The following RIMS2 variants were observed in gnomAD, a reference collection of about 807,000 sequenced individuals.
The protein encoded by RIMS2 is regulating synaptic membrane exocytosis protein 2.
RIMS2 carries 59 observed loss-of-function variants against 174.4 expected under a neutral mutation model. The observed-to-expected ratio is 0.34, with a 90% CI of 0.27 to 0.42. RIMS2 has a LOEUF of 0.42. Among genes scored for constraint, RIMS2 ranks in the 10% least tolerant of loss-of-function variants. The pLI is 1.00. For missense variants in RIMS2, 1,620 were observed against 1,666.3 expected (o/e 0.97, Z 0.48); for synonymous variants, 606 against 572.5 (o/e 1.06, Z -0.84).
At chr8:103,772,919 A>G (rs546814258) in intron 3 of RIMS2, among the ~76,000 whole-genome samples, 21 of 150,252 alleles carry the variant, frequency 1.4e-4, no homozygotes, top group African/African-American at 4.7e-4. Context: ...TTTGAAGCAT[A>G]CTTTTTTTAC....
At chr8:103,729,425 C>A (rs2097565718) in intron 2 of RIMS2, among the ~76,000 whole-genome samples, 1 of 151,990 alleles carries the variant, frequency 6.6e-6, no homozygotes, top group Non-Finnish European at 1.5e-5. Context: ...TTAACATCTC[C>A]TTTTTCATGT....
rs74927679 is a variant in RIMS2, at chr8:104,129,331, G to A, written c.3334+114716G>A. Among the ~76,000 whole-genome samples the A allele has an allele frequency of 2.3e-4, 35 of 152,230 alleles. 2 individuals are homozygous for A. The East Asian group carries it at 6.8e-3, about 29-fold the overall frequency. On this transcript the variant is annotated intron_variant, in intron 19 of 23. Coordinates refer to ENST00000504942, the Ensembl canonical transcript of RIMS2. ...GCAAAGGAGTTTGAGGTTACAATCA[G>A]CCCTAGTAATACAACTACACTCCGG...
intron 1 of RIMS2, among the ~76,000 whole-genome samples, chr8:103,663,371 A>G (rs186346265): frequency 6.6e-6 from 1 of 152,228 alleles, no homozygotes; most frequent in Admixed American, 6.5e-5. Context: ...TGACATGATT[A>G]TATATTTAGA....
chr8:103,550,173 G>A (rs747605149), intron 1 of RIMS2, among the ~76,000 whole-genome samples: 1 of 151,948 alleles, frequency 6.6e-6, no homozygotes, highest in Admixed American at 6.6e-5. Flanking sequence ...GCACCATATC[G>A]CACTTACTCC....
At chr8:104,127,795 G>A (rs905288473) in intron 19 of RIMS2, among the ~76,000 whole-genome samples, 6 of 151,936 alleles carry the variant, frequency 3.9e-5, no homozygotes, top group South Asian at 2.1e-4. Flanking sequence ...AAACTTATAC[G>A]TGAAATGCCA....
intron 1 of RIMS2, among the ~76,000 whole-genome samples, chr8:103,603,492 G>T (rs1207433714): frequency 4.6e-5 from 7 of 151,700 alleles, no homozygotes; most frequent in African/African-American, 7.3e-5. Context: ...GCATGATTTA[G>T]AGTTCTTTGG....
chr8:103,938,173 A>G (rs923602593), intron 13 of RIMS2, among the ~76,000 whole-genome samples: 1 of 152,244 alleles, frequency 6.6e-6, no homozygotes, highest in African/African-American at 2.4e-5. Context: ...TCCAGCTATT[A>G]GCATGCTAAG....
intron 19 of RIMS2, among the ~76,000 whole-genome samples, chr8:104,123,185 TA>T (rs2098398732): frequency 6.6e-6 from 1 of 152,082 alleles, no homozygotes; most frequent in South Asian, 2.1e-4. Flanking sequence ...AATTATTGTT[TA>T]TAAAATATGG....
intron 1 of RIMS2, chr8:103,501,538 G>GGGGCGGCTC (rs1219586743): frequency 6.5e-5 from 10 of 153,240 alleles, no homozygotes; most frequent in Non-Finnish European, 1.2e-4. Flanking sequence ...ACGCCTCCGC[G>GGGGCGGCTC]GGGCGGCTCT....
At chr8:103,731,888 C>T (rs890277207) in intron 2 of RIMS2, among the ~76,000 whole-genome samples, 1 of 152,172 alleles carries the variant, frequency 6.6e-6, no homozygotes, top group African/African-American at 2.4e-5. Context: ...TTCTTCAAAA[C>T]AGCTATTTTG....
intron 3 of RIMS2, 84 bp downstream of exon 6, chr8:103,766,621 G>GACAACTCACCATT: frequency 2.2e-6 from 2 of 898,650 alleles, no homozygotes; most frequent in Non-Finnish European, 3.4e-6. Flanking sequence ...GAAATGTTTA[G>GACAACTCACCATT]GCAATGGTGA....
At chr8:104,069,579 C>T (rs1467625389) in intron 19 of RIMS2, among the ~76,000 whole-genome samples, 1 of 150,430 alleles carries the variant, frequency 6.6e-6, no homozygotes, top group Non-Finnish European at 1.5e-5. Context: ...AGCGATTCTC[C>T]TGCCTCAGCC....
At chr8:103,905,745 A>C (rs2074248838) in intron 4 of RIMS2, among the ~76,000 whole-genome samples, 1 of 142,546 alleles carries the variant, frequency 7.0e-6, no homozygotes, top group African/African-American at 2.6e-5. Flanking sequence ...ATAGTTTCTT[A>C]GGCCCTTGAG....
rs138818856 is a variant in RIMS2 at position 103,516,898 on chromosome 8, C to T, written c.176+15836C>T. ...TAAAAGAATTTAAAAAATGGATATC[C>T]CCTTATACATGTTTAAGTCTGCATC... On this transcript the variant is annotated intron_variant, in intron 1 of 23. Transcript: ENST00000504942. 4.0e-3 allele frequency among the ~76,000 whole-genome samples: 613 copies of T among 152,190 alleles called. 5 individuals are homozygous for T. The highest frequency in any genetic ancestry group is 0.014 in the African/African-American group (590 of 41,516).
intron 1 of RIMS2, among the ~76,000 whole-genome samples, chr8:103,619,171 CA>C (rs1050240351): frequency 2.0e-5 from 3 of 147,262 alleles, no homozygotes; most frequent in African/African-American, 7.5e-5. Context: ...ACAAGAGAAC[CA>C]AAACCAAGAG....
chr8:103,533,173 A>G (rs1056280416), intron 1 of RIMS2, among the ~76,000 whole-genome samples: 5 of 152,252 alleles, frequency 3.3e-5, no homozygotes, highest in African/African-American at 7.2e-5. Flanking sequence ...AAATAAATCC[A>G]TTTAAGATAT....
At chr8:103,627,011 A>C (rs1374997124) in intron 1 of RIMS2, among the ~76,000 whole-genome samples, 4 of 152,148 alleles carry the variant, frequency 2.6e-5, no homozygotes, top group Non-Finnish European at 5.9e-5. Context: ...TCTGACTAGA[A>C]TTTACCAGGC....
At chr8:103,761,200 C>G (rs1031867855) in intron 2 of RIMS2, among the ~76,000 whole-genome samples, 1 of 152,152 alleles carries the variant, frequency 6.6e-6, no homozygotes, top group Non-Finnish European at 1.5e-5. Context: ...GGAGAAAGCA[C>G]ACAATTTGTT....
chr8:103,898,491 C>G (rs1254934292), intron 4 of RIMS2, among the ~76,000 whole-genome samples: 1 of 151,552 alleles, frequency 6.6e-6, no homozygotes, highest in Non-Finnish European at 1.5e-5. Context: ...GCATGTTAAC[C>G]TGAGATGGGG....
Sources: allele counts gnomAD v4.1 joint callset (sites outside exome capture counted in the v4.1 genomes callset), GRCh38; gene constraint gnomAD v4.1.1; transcripts MANE v1.5; gene names NCBI Gene and HGNC (gene_info 2026-07-23, HGNC 2026-07-21).